ARL6: variants seen among roughly 807,000 people sequenced by gnomAD.
ARL6 encodes the protein ARF like GTPase 6, also known as ADP-ribosylation factor-like protein 6.
A neutral mutation model predicts 27.1 loss-of-function variants in ARL6; 18 were observed. The ratio of observed to expected loss-of-function variants is 0.66; its 90% CI spans 0.46 to 0.98. The LOEUF (loss-of-function observed/expected upper bound fraction) is 0.98. Ranked by LOEUF, ARL6 falls within the 50% of genes least tolerant of loss-of-function variation. The pLI is 0.00. For missense variants in ARL6, 187 were observed against 214.9 expected (o/e 0.87, Z 0.81); for synonymous variants, 65 against 72.3 (o/e 0.90, Z 0.51).
At chr3:97,791,666 G>T in intron 6 of ARL6, 105 bp from the exon 7 acceptor site, 1 of 989,774 alleles carries the variant, frequency 1.0e-6, no homozygotes, top group Non-Finnish European at 1.6e-6. Context: ...TCAGATATAT[G>T]TTGTTATAAT....
At chr3:97,786,762 A>G (rs1267679081) in intron 5 of ARL6, among the ~76,000 whole-genome samples, 2 of 152,220 alleles carry the variant, frequency 1.3e-5, no homozygotes, top group African/African-American at 4.8e-5. Flanking sequence ...AATCAGTAAG[A>G]ATATAAAAGC....
At chr3:97,797,542 A>G (rs957366200) in intron 7 of ARL6, among the ~76,000 whole-genome samples, 5 of 152,128 alleles carry the variant, frequency 3.3e-5, no homozygotes, top group Non-Finnish European at 7.4e-5. Context: ...CTCATATTAC[A>G]TTGAAGGAAA....
At chr3:97,768,942 A>G (rs67781807) in intron 2 of ARL6, among the ~76,000 whole-genome samples, 12,057 of 152,056 alleles carry the variant, frequency 0.079, 633 homozygotes, top group Non-Finnish European at 0.12. Context: ...TCTGTCACTC[A>G]GTTATAGATG....
At chr3:97,796,945 A>G (rs1243341991) in intron 7 of ARL6, among the ~76,000 whole-genome samples, 1 of 152,180 alleles carries the variant, frequency 6.6e-6, no homozygotes, top group Non-Finnish European at 1.5e-5. Context: ...TTACTAAGGT[A>G]GCCACTGAGA....
chr3:97,775,158 C>G (rs2108009493), intron 2 of ARL6, among the ~76,000 whole-genome samples: 1 of 152,242 alleles, frequency 6.6e-6, no homozygotes, highest in East Asian at 1.9e-4. Flanking sequence ...TGAAAGAACT[C>G]CATCCTTAAT....
rs2037554661 is a variant in ARL6 at position 97,788,238 on chromosome 3, A to C, written c.479+119A>C. 3 of 1,090,282 alleles carry C rather than the reference A, an allele frequency of 2.8e-6. No individual in the cohort carries two copies. In the Admixed American group the frequency reaches 7.6e-5, roughly 28 times the overall value. The allele number at this position is 1,090,282 out of a possible 1,614,324, so 67.5% of individuals were successfully genotyped here. Reference sequence around the variant, plus strand: ...ATCAAACATGGTGGCATATAAGCTAAGGATTTTGTTTTGTAGAATTGTGGC... The same window carrying C: ...ATCAAACATGGTGGCATATAAGCTACGGATTTTGTTTTGTAGAATTGTGGC... On this transcript the variant is annotated intron_variant, in intron 6 of 7. Transcript: ENST00000463745.
At chr3:97,777,080 A>C (rs1341414671) in intron 2 of ARL6, among the ~76,000 whole-genome samples, 1 of 152,240 alleles carries the variant, frequency 6.6e-6, no homozygotes, top group Non-Finnish European at 1.5e-5. Flanking sequence ...TCTCTTCTTC[A>C]GCAGTGAATC....
chr3:97,781,434 G>A (rs772313756), intron 4 of ARL6, among the ~76,000 whole-genome samples: 10 of 152,072 alleles, frequency 6.6e-5, no homozygotes, highest in African/African-American at 2.2e-4. Context: ...TTAAATTGCC[G>A]TGCACAAACT....
intron 4 of ARL6, among the ~76,000 whole-genome samples, chr3:97,782,113 G>C (rs929599233): frequency 2.6e-5 from 4 of 151,954 alleles, no homozygotes; most frequent in African/African-American, 9.7e-5. Flanking sequence ...TGGCATGTTT[G>C]TGGTATTCTG....
At chr3:97,791,737 G>T in intron 6 of ARL6, 34 bp from the exon 7 acceptor site, 1 of 1,599,718 alleles carries the variant, frequency 6.3e-7, no homozygotes, top group South Asian at 1.1e-5. Flanking sequence ...GTGATGTAAT[G>T]AGATGGCTAT....
intron 7 of ARL6, among the ~76,000 whole-genome samples, chr3:97,797,227 T>A (rs1323080887): frequency 2.6e-5 from 4 of 152,172 alleles, no homozygotes; most frequent in Non-Finnish European, 4.4e-5. Flanking sequence ...GCAAAGTAGA[T>A]GGACTGTGTA....
At chr3:97,801,236 T>C (rs1267473605), downstream of ARL6, 1 of 152,180 alleles carries the variant, frequency 6.6e-6, no homozygotes, top group Non-Finnish European at 1.5e-5. Flanking sequence ...AATACTACAG[T>C]GATTAAGAAA....
Position 97,781,641 on chromosome 3 carries a change from G to A in ARL6, c.254+958G>A, listed in dbSNP as rs73850180. ...CCTGGAACCAATCCCTCGCCAATTC[G>A]GAGGGATGACTATACTTCAGACTAA... On this transcript the variant is annotated intron_variant, in intron 4 of 7. Coordinates refer to ENST00000463745, the MANE Select transcript of ARL6 (RefSeq NM_001278293.3). Among the ~76,000 whole-genome samples, 1,051 of 152,104 alleles carry A rather than the reference G, an allele frequency of 6.9e-3. 11 individuals are homozygous for A. The highest frequency in any genetic ancestry group is 0.023 in the African/African-American group (962 of 41,538).
At chr3:97,787,935 T>A in intron 5 of ARL6, 55 bp from the exon 6 acceptor site, 1 of 1,603,048 alleles carries the variant, frequency 6.2e-7, no homozygotes. Flanking sequence ...AAAGATTTGC[T>A]GCAAAATGAC....
In ARL6 at chr3:97,800,142, G is replaced by A. The variant is rs2038186831; in HGVS notation, c.*2093G>A. The stretch of plus-strand genomic sequence containing the variant: ...ACAAACTACAGTAGCTCATACCTAT[G>A]CAAATATTTAGAAGAAGGAGAAGTA... On this transcript the variant is annotated 3_prime_UTR_variant, in exon 8 of 8. Transcript: ENST00000463745. 6.6e-6 allele frequency: 1 copy of A among 151,960 alleles called. No homozygotes were observed. The highest frequency in any genetic ancestry group is 1.5e-5 in the Non-Finnish European group (1 of 67,950). 9.4% of individuals were successfully genotyped at this position (151,960 alleles called of 1,614,324 possible).
chr3:97,797,152 A>G (rs2038041700), intron 7 of ARL6, among the ~76,000 whole-genome samples: 2 of 152,322 alleles, frequency 1.3e-5, no homozygotes, highest in Admixed American at 6.5e-5. Context: ...TGTGGCAGGC[A>G]TAGAGAAAAT....
At chr3:97,769,959 T>C (rs926607268) in intron 2 of ARL6, among the ~76,000 whole-genome samples, 10 of 152,142 alleles carry the variant, frequency 6.6e-5, no homozygotes, top group African/African-American at 2.4e-4. Context: ...GTGTATTCCA[T>C]ATCTTGGCTA....
At chr3:97,783,684 A>G (rs2037310248) in intron 4 of ARL6, among the ~76,000 whole-genome samples, 2 of 151,948 alleles carry the variant, frequency 1.3e-5, no homozygotes, top group East Asian at 3.9e-4. Flanking sequence ...TGATAGGAGA[A>G]AATGGTATAT....
At chr3:97,766,603 A>C (rs759992842) in intron 1 of ARL6, 1 of 152,254 alleles carries the variant, frequency 6.6e-6, no homozygotes, top group Non-Finnish European at 1.5e-5. Context: ...AGGCCTAAGC[A>C]AAATGTTGAC....
Sources: gnomAD v4.1 joint callset for allele counts (sites outside exome capture counted in the v4.1 genomes callset) on GRCh38, gnomAD v4.1.1 for gene constraint, MANE v1.5 for transcripts, NCBI Gene and HGNC (gene_info 2026-07-23, HGNC 2026-07-21) for gene names.